Variants in ERBB4 observed in about 807,000 individuals in gnomAD.
The protein encoded by ERBB4 is erb-b2 receptor tyrosine kinase 4.
A neutral mutation model predicts 158.0 loss-of-function variants in ERBB4; 42 were observed. That is an observed-to-expected ratio of 0.27 (90% CI 0.21 to 0.34). The LOEUF is 0.34. ERBB4 is among the 10% of genes least tolerant of loss of function. The pLI is 1.00. For missense variants in ERBB4, 1,333 were observed against 1,624.1 expected (o/e 0.82, Z 3.08); for synonymous variants, 583 against 558.7 (o/e 1.04, Z -0.61).
chr2:212,063,550 A>G (rs1287071787), intron 2 of ERBB4, among the ~76,000 whole-genome samples: 2 of 152,124 alleles, frequency 1.3e-5, no homozygotes, highest in Non-Finnish European at 2.9e-5. Flanking sequence ...ATATAAATGT[A>G]TATTTTTACA....
chr2:212,099,714 C>T (rs2079028524), intron 2 of ERBB4, among the ~76,000 whole-genome samples: 1 of 146,776 alleles, frequency 6.8e-6, no homozygotes, highest in African/African-American at 2.6e-5. Flanking sequence ...CAGAAGTCAG[C>T]TCTATATAGC....
At chr2:212,471,875 G>T (rs1689134302) in intron 1 of ERBB4, among the ~76,000 whole-genome samples, 1 of 151,764 alleles carries the variant, frequency 6.6e-6, no homozygotes, top group Non-Finnish European at 1.5e-5. Flanking sequence ...AAATTATCCA[G>T]TCAGTTAACA....
At chr2:212,434,500 T>C (rs977961035) in intron 1 of ERBB4, among the ~76,000 whole-genome samples, 2 of 151,864 alleles carry the variant, frequency 1.3e-5, no homozygotes, top group Non-Finnish European at 2.9e-5. Flanking sequence ...TCAGGTGGTC[T>C]TTGGGGTAAG....
chr2:211,809,244 G>C (rs1241155262), intron 3 of ERBB4, among the ~76,000 whole-genome samples: 1 of 152,134 alleles, frequency 6.6e-6, no homozygotes, highest in Non-Finnish European at 1.5e-5. Context: ...CTATTGATTG[G>C]AATAGTTTCA....
At chr2:212,232,986 TC>T (rs2083721572) in intron 1 of ERBB4, among the ~76,000 whole-genome samples, 1 of 152,318 alleles carries the variant, frequency 6.6e-6, no homozygotes, top group East Asian at 1.9e-4. Flanking sequence ...TTGGAAGAGA[TC>T]TTCAGGGCAA....
intron 18 of ERBB4, among the ~76,000 whole-genome samples, 181 bp from the exon 19 acceptor site, chr2:211,619,456 T>C (rs921450117): frequency 6.6e-6 from 1 of 152,168 alleles, no homozygotes; most frequent in African/African-American, 2.4e-5. Flanking sequence ...GTTGCTCATA[T>C]ACATGATTAC....
At chr2:212,069,133 G>T (rs887780841) in intron 2 of ERBB4, among the ~76,000 whole-genome samples, 12 of 152,060 alleles carry the variant, frequency 7.9e-5, no homozygotes, top group African/African-American at 2.7e-4. Context: ...TTTATTAGCA[G>T]TGTGAGAAAA....
At chr2:211,492,462 C>T (rs915754656) in intron 20 of ERBB4, among the ~76,000 whole-genome samples, 3 of 152,036 alleles carry the variant, frequency 2.0e-5, no homozygotes, top group African/African-American at 7.2e-5. Flanking sequence ...TAATAATCTA[C>T]CTACCACTGA....
At chr2:211,838,295 C>T (rs1471235695) in intron 3 of ERBB4, among the ~76,000 whole-genome samples, 1 of 151,976 alleles carries the variant, frequency 6.6e-6, no homozygotes, top group South Asian at 2.1e-4. Context: ...GTTATCCAAG[C>T]TCTTGACTTC....
At chr2:211,550,936 C>T (rs2067077019) in intron 20 of ERBB4, among the ~76,000 whole-genome samples, 1 of 150,646 alleles carries the variant, frequency 6.6e-6, no homozygotes, top group Admixed American at 6.6e-5. Context: ...TATTAGGTTC[C>T]CCCCGACCAC....
chr2:211,907,093 G>A (rs887727898), intron 3 of ERBB4, among the ~76,000 whole-genome samples: 1 of 151,676 alleles, frequency 6.6e-6, no homozygotes, highest in Non-Finnish European at 1.5e-5. Flanking sequence ...CTACATCAGC[G>A]AGATTAACTG....
chr2:212,456,358 T>G (rs925370737), intron 1 of ERBB4, among the ~76,000 whole-genome samples: 28 of 152,076 alleles, frequency 1.8e-4, no homozygotes, highest in Non-Finnish European at 3.8e-4. Flanking sequence ...TTGCATACAC[T>G]AAATAAGTGT....
chr2:211,967,582 C>A (rs1368719607), intron 2 of ERBB4, among the ~76,000 whole-genome samples: 1 of 151,810 alleles, frequency 6.6e-6, no homozygotes, highest in Non-Finnish European at 1.5e-5. Context: ...TAATAAAAAT[C>A]CAACAGTAAA....
At chr2:212,004,817 C>CA (rs1553533966) in intron 2 of ERBB4, among the ~76,000 whole-genome samples, 10 of 151,736 alleles carry the variant, frequency 6.6e-5, no homozygotes, top group Non-Finnish European at 1.5e-4. Flanking sequence ...GCCTAACTTA[C>CA]ATATATATAT....
At chr2:212,531,912 A>G (rs575824312) in intron 1 of ERBB4, among the ~76,000 whole-genome samples, 3 of 152,274 alleles carry the variant, frequency 2.0e-5, no homozygotes, top group East Asian at 1.9e-4. Context: ...CTCATGTGCC[A>G]TAACTTATCA....
intron 1 of ERBB4, among the ~76,000 whole-genome samples, chr2:212,219,947 T>A (rs143053959): frequency 0.074 from 8,973 of 121,142 alleles, 499 homozygotes; most frequent in South Asian, 0.28. Flanking sequence ...TGTATTTTTA[T>A]CAACCCGCAA....
Position 211,860,610 on chromosome 2 carries a change from C to G in ERBB4, c.422-72451G>C, listed in dbSNP as rs1249324096. The stretch of plus-strand genomic sequence containing the variant: ...GTCTGTAATGTTCTGCATTTCTGCT[C>G]TCTTGCTAGTACAATTAAAGTTTAT... On this transcript the variant is annotated intron_variant, in intron 3 of 27. Transcript: ENST00000342788. Among the ~76,000 whole-genome samples, 3 of 151,976 alleles carry G rather than the reference C, an allele frequency of 2.0e-5. No homozygotes were observed. In the South Asian group the frequency reaches 6.2e-4, roughly 32 times the overall value.
At chr2:212,365,257 T>G (rs1367493737) in intron 1 of ERBB4, among the ~76,000 whole-genome samples, 1 of 151,770 alleles carries the variant, frequency 6.6e-6, no homozygotes, top group Admixed American at 6.6e-5. Context: ...TCTTGTGAAC[T>G]CTTTGGTTTT....
chr2:212,281,101 T>C (rs1277105510), intron 1 of ERBB4, among the ~76,000 whole-genome samples: 2 of 151,608 alleles, frequency 1.3e-5, no homozygotes, highest in Non-Finnish European at 3.0e-5. Context: ...TGAAAGCCCT[T>C]CTTTTTTTTT....
Sources: gnomAD v4.1 joint callset for allele counts (sites outside exome capture counted in the v4.1 genomes callset) on GRCh38, gnomAD v4.1.1 for gene constraint, MANE v1.5 for transcripts, NCBI Gene and HGNC (gene_info 2026-07-23, HGNC 2026-07-21) for gene names.